Variants in MTRFR observed in about 807,000 individuals in gnomAD.
The protein encoded by MTRFR is mitochondrial translation release factor in rescue.
In MTRFR, 10 loss-of-function variants were observed where a neutral mutation model predicts 11.9. The observed-to-expected ratio is 0.84, with a 90% CI of 0.52 to 1.42. MTRFR has a LOEUF of 1.42. MTRFR is among the 40% of genes most tolerant of loss of function. The probability of loss-of-function intolerance (pLI) is 0.00; values close to 1 mark genes in which losing one functional copy is unlikely to be tolerated. For synonymous variants in MTRFR, 77 were observed against 79.1 expected (o/e 0.97, Z 0.14); for missense variants, 196 against 197.9 (o/e 0.99, Z 0.06).
intron 1 of MTRFR, 82 bp downstream of exon 1, chr12:123,233,613 A>G (rs1026477447): frequency 6.6e-6 from 1 of 152,176 alleles, no homozygotes; most frequent in African/African-American, 2.4e-5. Context: ...GCGAGCCGGG[A>G]CGCCTGGGTT....
In MTRFR at chr12:123,253,661, G is replaced by C. The variant is rs768967998; in HGVS notation, c.-14G>C. 8 of 1,614,132 alleles carry C rather than the reference G, an allele frequency of 5.0e-6. No homozygotes were observed. The highest frequency in any genetic ancestry group is 6.8e-6 in the Non-Finnish European group (8 of 1,180,036). The stretch of plus-strand genomic sequence containing the variant: ...ATCTAACCCAGGTCCTCAGCCAGCA[G>C]AGCCACGTTCCTTATGAGCACCGTG... On this transcript the variant is annotated 5_prime_UTR_variant, in exon 2 of 3. Coordinates refer to ENST00000253233, the MANE Select transcript of MTRFR (RefSeq NM_152269.5).
rs559790173 is a variant in MTRFR, at chr12:123,245,869, C to T, written c.-28-7778C>T. Among the ~76,000 whole-genome samples, 8 of 152,166 alleles carry T rather than the reference C, an allele frequency of 5.3e-5. No homozygotes were observed. In the East Asian group the frequency reaches 1.2e-3, roughly 22 times the overall value. On this transcript the variant is annotated intron_variant, in intron 1 of 2. Transcript: ENST00000253233. ...TAGCAAACAGTGACAGCTTGACTTC[C>T]TCTTTATGGATGTGGATGCCCTTTA...
chr12:123,251,955 T>A (rs553407640), intron 1 of MTRFR: 1 of 152,452 alleles, frequency 6.6e-6, no homozygotes, highest in South Asian at 2.1e-4. Context: ...GTCCCAAAAC[T>A]GAAGAACGTG....
chr12:123,240,411 CAA>C (rs1239533943), intron 1 of MTRFR: 1 of 152,088 alleles, frequency 6.6e-6, no homozygotes, highest in East Asian at 1.9e-4. Context: ...ACCAGCATCA[CAA>C]GTCACAAGAC....
At position 123,255,393 on chromosome 12, in the gene MTRFR, A is replaced by G. The variant is rs546197961; in HGVS notation, c.283-1420A>G. Among the ~76,000 whole-genome samples, 16 of 152,348 alleles carry G rather than the reference A, an allele frequency of 1.1e-4. No individual in the cohort carries two copies. In the South Asian group the frequency reaches 2.3e-3, roughly 22 times the overall value. The stretch of plus-strand genomic sequence containing the variant: ...GAAACCTGAGAGTTAATTTTTGTTT[A>G]ACCTATTTGACATAACTCAATCCAA... On this transcript the variant is annotated intron_variant, in intron 2 of 2. Transcript: ENST00000253233.
chr12:123,237,371 A>C (rs989415151), intron 1 of MTRFR, among the ~76,000 whole-genome samples: 3 of 152,238 alleles, frequency 2.0e-5, no homozygotes, highest in Admixed American at 2.0e-4. Context: ...CAGAGGTTGC[A>C]GTGAGCCAAG....
At chr12:123,247,818 A>AC (rs1461147273) in intron 1 of MTRFR, among the ~76,000 whole-genome samples, 1 of 151,934 alleles carries the variant, frequency 6.6e-6, no homozygotes, top group Non-Finnish European at 1.5e-5. Context: ...GGTAGCGGGC[A>AC]CCTATAGTCC....
intron 2 of MTRFR, among the ~76,000 whole-genome samples, chr12:123,256,074 A>C (rs1472539617): frequency 6.6e-6 from 1 of 152,180 alleles, no homozygotes; most frequent in African/African-American, 2.4e-5. Context: ...CTTAAGATTT[A>C]TCTTTTATCA....
intron 1 of MTRFR, among the ~76,000 whole-genome samples, chr12:123,237,840 TGAAA>T (rs2047874644): frequency 6.6e-6 from 1 of 152,108 alleles, no homozygotes; most frequent in Admixed American, 6.6e-5. Context: ...CAGGAGGATG[TGAAA>T]GACAGGGAAA....
chr12:123,257,823 C>G lies in MTRFR; in HGVS notation c.*792C>G, dbSNP rs2048199854. 1 of 152,262 alleles carries G rather than the reference C, an allele frequency of 6.6e-6. No homozygotes were observed. Among genetic ancestry groups the G allele is most frequent in the Non-Finnish European group, 1.5e-5 (1 of 68,052 alleles). 9.4% of individuals were successfully genotyped at this position (152,262 alleles called of 1,614,324 possible). ...CTTGGAGGGGTTCTGGGGTGCCTGA[C>G]AAAGTTCTGTTTCTTCACCTGGGTG... On this transcript the variant is annotated 3_prime_UTR_variant, in exon 3 of 3. Coordinates refer to ENST00000253233, the MANE Select transcript of MTRFR (RefSeq NM_152269.5).
At chr12:123,242,581 A>C (rs1423584858) in intron 1 of MTRFR, among the ~76,000 whole-genome samples, 1 of 152,190 alleles carries the variant, frequency 6.6e-6, no homozygotes, top group Non-Finnish European at 1.5e-5. Flanking sequence ...AGTGTCTAGA[A>C]TTGTCTGATT....
chr12:123,253,687 G>A lies in MTRFR; in HGVS notation c.13G>A (p.Gly5Ser). The change falls in exon 2 of 3, where the codon GGT becomes AGT. Residue 5 changes from glycine (G) to serine (S), a missense_variant. Transcript: ENST00000253233. ...AGCCACGTTCCTTATGAGCACCGTG[G>A]GTTTATTTCATTTTCCTACACCACT... MSTV[G>S]LFHFPTPLTR... 6.2e-7 allele frequency: 1 copy of A among 1,614,084 alleles called. No homozygotes were observed. Among genetic ancestry groups the A allele is most frequent in the Non-Finnish European group, 8.5e-7 (1 of 1,180,018 alleles).
chr12:123,244,036 G>T (rs943656851), intron 1 of MTRFR: 1 of 152,044 alleles, frequency 6.6e-6, no homozygotes, highest in African/African-American at 2.4e-5. Flanking sequence ...TTAGAAGCTG[G>T]CTCCCACCTA....
intron 1 of MTRFR, among the ~76,000 whole-genome samples, chr12:123,246,790 G>A (rs1448477459): frequency 1.6e-5 from 2 of 124,290 alleles, no homozygotes; most frequent in Non-Finnish European, 3.1e-5. Context: ...GAGTGCAGTG[G>A]AGCAATCTTG....
intron 1 of MTRFR, chr12:123,243,952 G>A (rs1402982587): frequency 6.6e-6 from 1 of 152,352 alleles, no homozygotes; most frequent in Non-Finnish European, 1.5e-5. Flanking sequence ...GCAGGCTCAG[G>A]GGAAGTTGAC....
At chr12:123,246,487 C>G (rs529116926) in intron 1 of MTRFR, among the ~76,000 whole-genome samples, 32 of 124,246 alleles carry the variant, frequency 2.6e-4, no homozygotes, top group African/African-American at 8.1e-4. Flanking sequence ...GAGTTTTGTT[C>G]TTGTGCCCAG....
At chr12:123,239,936 C>T (rs1398778000) in intron 1 of MTRFR, among the ~76,000 whole-genome samples, 1 of 152,056 alleles carries the variant, frequency 6.6e-6, no homozygotes, top group East Asian at 1.9e-4. Context: ...CATCATGATC[C>T]CAGGGATCTC....
chr12:123,250,006 A>G (rs187977631), intron 1 of MTRFR: 9 of 152,322 alleles, frequency 5.9e-5, no homozygotes, highest in Non-Finnish European at 1.2e-4. Context: ...TTCCTCAGGA[A>G]CACCAATTAT....
At chr12:123,245,522 A>T (rs2048027190) in intron 1 of MTRFR, among the ~76,000 whole-genome samples, 1 of 151,872 alleles carries the variant, frequency 6.6e-6, no homozygotes, top group South Asian at 2.1e-4. Flanking sequence ...TGAGCATGGG[A>T]TGTGTTTCCA....
Sources: allele counts gnomAD v4.1 joint callset (sites outside exome capture counted in the v4.1 genomes callset), GRCh38; gene constraint gnomAD v4.1.1; transcripts MANE v1.5; gene names NCBI Gene and HGNC (gene_info 2026-07-23, HGNC 2026-07-21).